The following CAMK2B variants were observed in gnomAD, a reference collection of about 807,000 sequenced individuals.
The protein encoded by CAMK2B is calcium/calmodulin-dependent protein kinase type II subunit beta.
A neutral mutation model predicts 93.7 loss-of-function variants in CAMK2B; 27 were observed. The observed-to-expected ratio is 0.29, with a 90% CI of 0.21 to 0.40. The LOEUF (loss-of-function observed/expected upper bound fraction) is 0.40, where lower values mean the gene tolerates loss of function less well. Ranked by LOEUF, CAMK2B falls within the 10% of genes least tolerant of loss-of-function variation. The pLI is 1.00. For synonymous variants in CAMK2B, 374 were observed against 358.8 expected, an observed-to-expected ratio of 1.04 and a Z score of -0.48; for missense variants, 568 against 895.8, an observed-to-expected ratio of 0.63 and a Z score of 4.67.
chr7:44,324,884 A>G (rs985652990), intron 1 of CAMK2B: 4 of 152,082 alleles, frequency 2.6e-5, no homozygotes, highest in African/African-American at 9.7e-5. Flanking sequence ...AGGCGCAAGC[A>G]GGTCCCGCCA....
At position 44,228,875 on chromosome 7, in the gene CAMK2B, G is replaced by A. The variant is rs895488325; in HGVS notation, c.1389C>T (p.Thr463=). ...ILNSVRRGSG[T]PEAEGPLSAG... Reference sequence around the variant, plus strand: ...CTGAGAGGGGGCCCTCGGCTTCTGGGGTTCCTGAACCCCTTCTCACAGAGT... The same window carrying A: ...CTGAGAGGGGGCCCTCGGCTTCTGGAGTTCCTGAACCCCTTCTCACAGAGT... The change falls in exon 19 of 24, where the codon ACC becomes ACT. Residue 463 remains threonine (T), a synonymous_variant. Transcript: ENST00000395749. 1.3e-6 allele frequency: 2 copies of A among 1,580,920 alleles called. No individual in the cohort carries two copies. The highest frequency in any genetic ancestry group is 1.7e-6 in the Non-Finnish European group (2 of 1,160,034).
At chr7:44,289,372 A>G (rs1177067092) in intron 1 of CAMK2B, among the ~76,000 whole-genome samples, 2 of 152,112 alleles carry the variant, frequency 1.3e-5, no homozygotes, top group Non-Finnish European at 2.9e-5. Context: ...GCAGGAAGGA[A>G]ATTTCGCCTT....
At chr7:44,220,575 G>A (rs2096387780) in intron 22 of CAMK2B, 41 bp downstream of exon 22, 9 of 1,540,020 alleles carry the variant, frequency 5.8e-6, no homozygotes, top group Non-Finnish European at 8.0e-6. Context: ...GCTCTCCTGG[G>A]GGCACCGCCC....
At chr7:44,281,477 G>A (rs915122451) in intron 2 of CAMK2B, among the ~76,000 whole-genome samples, 2 of 152,144 alleles carry the variant, frequency 1.3e-5, no homozygotes, top group East Asian at 1.9e-4. Context: ...GACTCCCAGC[G>A]GCACAGCTTT....
intron 1 of CAMK2B, among the ~76,000 whole-genome samples, chr7:44,313,408 G>A (rs985074186): frequency 2.0e-5 from 3 of 151,504 alleles, no homozygotes; most frequent in Non-Finnish European, 4.4e-5. Context: ...GTAATGGGAA[G>A]CTACAGCCCC....
chr7:44,236,630 C>T (rs899890436), intron 13 of CAMK2B, among the ~76,000 whole-genome samples: 3 of 152,210 alleles, frequency 2.0e-5, no homozygotes, highest in African/African-American at 7.2e-5. Context: ...TTCCCTGTGG[C>T]TCAAATCTGC....
At chr7:44,306,648 G>A (rs1791596818) in intron 1 of CAMK2B, among the ~76,000 whole-genome samples, 1 of 152,184 alleles carries the variant, frequency 6.6e-6, no homozygotes, top group Non-Finnish European at 1.5e-5. Context: ...AGCATGTGGT[G>A]GATTATGCAG....
Position 44,286,471 on chromosome 7 carries a change from G to A in CAMK2B, c.66-2246C>T, listed in dbSNP as rs188084793. Among the ~76,000 whole-genome samples the A allele has an allele frequency of 3.3e-4, 51 of 152,342 alleles. No individual in the cohort carries two copies. The highest frequency in any genetic ancestry group is 6.8e-4 in the Non-Finnish European group (46 of 68,034). On this transcript the variant is annotated intron_variant, in intron 1 of 23. Transcript: ENST00000395749. This position sits in a 1 kb window ranked among gnomAD's most constrained non-coding sequence, Gnocchi z 4.0. ...CCGCTGTGTCGAGCCCGTCCCCGGA[G>A]CAGGGAGGAGACCCAAGCGCAGCTT...
At chr7:44,242,083 A>G in intron 10 of CAMK2B, 135 bp downstream of exon 10, 1 of 1,055,402 alleles carries the variant, frequency 9.5e-7, no homozygotes, top group Non-Finnish European at 1.4e-6. Context: ...AGAGGCCACA[A>G]GGAGCACCCA....
At chr7:44,275,670 T>A (rs893477235) in intron 2 of CAMK2B, among the ~76,000 whole-genome samples, 3 of 152,228 alleles carry the variant, frequency 2.0e-5, no homozygotes, top group African/African-American at 7.2e-5. Context: ...CAGTGCTTAT[T>A]TTACATCTTT....
At chr7:44,229,671 T>G (rs1431268888) in intron 17 of CAMK2B, 170 bp from the exon 18 acceptor site, 8 of 490,802 alleles carry the variant, frequency 1.6e-5, no homozygotes, top group Non-Finnish European at 2.5e-5. Context: ...GGGCCTGTGG[T>G]GGCCGCAGCA....
chr7:44,323,940 G>A (rs767144453), intron 1 of CAMK2B: 37 of 158,198 alleles, frequency 2.3e-4, no homozygotes, highest in Non-Finnish European at 4.3e-4. Context: ...GGCTGGGCTC[G>A]CCCTCTCCCT....
chr7:44,316,555 TC>T (rs1794872341), intron 1 of CAMK2B, among the ~76,000 whole-genome samples: 1 of 152,228 alleles, frequency 6.6e-6, no homozygotes, highest in African/African-American at 2.4e-5. Context: ...AATTTCCTCC[TC>T]TTCTACTTTT....
chr7:44,304,638 C>T (rs1790962973), intron 1 of CAMK2B, among the ~76,000 whole-genome samples: 1 of 152,284 alleles, frequency 6.6e-6, no homozygotes, highest in Admixed American at 6.5e-5. Flanking sequence ...AATTCTGGGG[C>T]AGGTGAAACT....
chr7:44,224,651 C>T lies in CAMK2B; in HGVS notation c.1597+1865G>A, dbSNP rs1300813202. ...CTCATCCTGGCCTGGACTCCTGGGA[C>T]CCCAGGCTGGCCCCAAGCCCATCTC... On this transcript the variant is annotated intron_variant, in intron 20 of 23. Transcript: ENST00000395749. This position sits in a 1 kb window ranked among gnomAD's most constrained non-coding sequence, Gnocchi z 4.4. Among the ~76,000 whole-genome samples the T allele has an allele frequency of 6.6e-6, 1 of 152,158 alleles. No homozygotes were observed. The highest frequency in any genetic ancestry group is 1.5e-5 in the Non-Finnish European group (1 of 68,006).
intron 6 of CAMK2B, among the ~76,000 whole-genome samples, chr7:44,246,305 G>A (rs887644780): frequency 1.3e-5 from 2 of 152,140 alleles, no homozygotes; most frequent in Non-Finnish European, 2.9e-5. Context: ...CCAGGCTGGA[G>A]TGCGGTGTAA....
intron 15 of CAMK2B, among the ~76,000 whole-genome samples, chr7:44,233,925 T>C (rs2096602149): frequency 6.6e-6 from 1 of 152,218 alleles, no homozygotes; most frequent in Admixed American, 6.5e-5. Flanking sequence ...AATGTGCCAC[T>C]ATGGGCTGTT....
chr7:44,232,428 G>T (rs550291945), intron 16 of CAMK2B, among the ~76,000 whole-genome samples: 2 of 152,274 alleles, frequency 1.3e-5, no homozygotes, highest in East Asian at 3.9e-4. Flanking sequence ...GGTCTGCTCA[G>T]CAGGAAGCAC....
intron 1 of CAMK2B, among the ~76,000 whole-genome samples, chr7:44,305,622 G>A (rs375781831): frequency 1.2e-4 from 18 of 152,344 alleles, no homozygotes; most frequent in African/African-American, 4.1e-4. Flanking sequence ...CTGTGAGGTG[G>A]GGGAGGTGGG....
Sources: allele counts gnomAD v4.1 joint callset (sites outside exome capture counted in the v4.1 genomes callset), GRCh38; gene constraint gnomAD v4.1.1; non-coding constraint Gnocchi (gnomAD v3.1); transcripts MANE v1.5; gene names NCBI Gene and HGNC (gene_info 2026-07-23, HGNC 2026-07-21).